Variants in ANXA4 observed in about 807,000 individuals in gnomAD.
ANXA4 encodes 35-beta calcimedin.
In ANXA4, 39 loss-of-function variants were observed where a neutral mutation model predicts 49.8. That is an observed-to-expected ratio of 0.78 (90% CI 0.61 to 1.02). The LOEUF (loss-of-function observed/expected upper bound fraction) is 1.02. Ranked by LOEUF, ANXA4 falls within the 50% of genes least tolerant of loss-of-function variation. The pLI is 0.00. For missense variants in ANXA4, 360 were observed against 410.1 expected (o/e 0.88, Z 1.05); for synonymous variants, 134 against 152.5 (o/e 0.88, Z 0.89).
chr2:69,826,842 C>G lies in ANXA4; in HGVS notation c.*1327C>G, dbSNP rs1167527533. The G allele has an allele frequency of 6.6e-6, 1 of 150,402 alleles. No individual in the cohort carries two copies. Among genetic ancestry groups the G allele is most frequent in the East Asian group, 1.9e-4 (1 of 5,152 alleles). 9.3% of individuals were successfully genotyped at this position (150,402 alleles called of 1,614,324 possible). On this transcript the variant is annotated 3_prime_UTR_variant, in exon 13 of 13. Coordinates refer to ENST00000394295, the MANE Select transcript of ANXA4 (RefSeq NM_001153.5). Reference sequence around the variant, plus strand: ...TATAGTCTTTCTCTGATCCACTTTTCACCTTCTGAGGTTTTTCATCTTGGC... The same window carrying G: ...TATAGTCTTTCTCTGATCCACTTTTGACCTTCTGAGGTTTTTCATCTTGGC...
intron 2 of ANXA4, among the ~76,000 whole-genome samples, chr2:69,697,724 T>C (rs1678202998): frequency 6.6e-6 from 1 of 152,136 alleles, no homozygotes. Context: ...GTCAATATTG[T>C]TGTGTCTGAG....
chr2:69,741,643 C>G (rs557237929), upstream of ANXA4, among the ~76,000 whole-genome samples: 3 of 152,346 alleles, frequency 2.0e-5, no homozygotes, highest in Non-Finnish European at 4.4e-5. Context: ...CACGACCTGC[C>G]GTTGGGAGAC....
chr2:69,747,042 G>C (rs1670642122), intron 1 of ANXA4, among the ~76,000 whole-genome samples: 2 of 151,818 alleles, frequency 1.3e-5, no homozygotes, highest in Non-Finnish European at 2.9e-5. Context: ...TCCTCCCCAC[G>C]AAATAACTAA....
At chr2:69,780,388 G>T (rs1672146574) in intron 1 of ANXA4, among the ~76,000 whole-genome samples, 1 of 152,226 alleles carries the variant, frequency 6.6e-6, no homozygotes, top group South Asian at 2.1e-4. Context: ...TAGAGATGGG[G>T]TTTCACCATG....
At chr2:69,706,447 CCCA>C (rs1328674877) in intron 2 of ANXA4, among the ~76,000 whole-genome samples, 2 of 151,508 alleles carry the variant, frequency 1.3e-5, no homozygotes, top group East Asian at 3.9e-4. Flanking sequence ...ATCACAGGTG[CCCA>C]CCACCATGCC....
At chr2:69,761,776 T>TAAAA (rs56109057) in intron 1 of ANXA4, among the ~76,000 whole-genome samples, 2 of 135,308 alleles carry the variant, frequency 1.5e-5, no homozygotes, top group Admixed American at 7.4e-5. Context: ...GATGCTGTCT[T>TAAAA]AAAAAAAAAA....
chr2:69,789,278 A>C (rs1226782460), intron 3 of ANXA4, among the ~76,000 whole-genome samples: 1 of 152,188 alleles, frequency 6.6e-6, no homozygotes, highest in Non-Finnish European at 1.5e-5. Flanking sequence ...ACTCTCACCA[A>C]GTCGCACAGT....
chr2:69,798,159 C>T (rs1391857634), intron 3 of ANXA4, among the ~76,000 whole-genome samples: 1 of 152,154 alleles, frequency 6.6e-6, no homozygotes. Flanking sequence ...AATAACCTCC[C>T]ACCCAACCCC....
At chr2:69,785,816 C>A (rs545846366) in intron 2 of ANXA4, among the ~76,000 whole-genome samples, 2 of 152,276 alleles carry the variant, frequency 1.3e-5, no homozygotes, top group Admixed American at 1.3e-4. Context: ...CTTCCTCAGC[C>A]TCTGGACAGT....
intron 2 of ANXA4, among the ~76,000 whole-genome samples, chr2:69,659,700 T>A (rs1393430201): frequency 6.6e-6 from 1 of 152,168 alleles, no homozygotes. Flanking sequence ...GCAGGAGGAT[T>A]GCTTGAGGCC....
chr2:69,788,742 G>A (rs550094127), intron 3 of ANXA4, among the ~76,000 whole-genome samples: 1 of 151,864 alleles, frequency 6.6e-6, no homozygotes, highest in South Asian at 2.1e-4. Context: ...GGAGGCTGAG[G>A]CAGGAGAATG....
intron 5 of ANXA4, 128 bp from the exon 6 acceptor site, chr2:69,807,778 C>A (rs183028324): frequency 6.0e-4 from 450 of 749,652 alleles, no homozygotes; most frequent in Non-Finnish European, 4.3e-5. Flanking sequence ...AGTGAACAAA[C>A]CCTGTTGTTA....
intron 1 of ANXA4, among the ~76,000 whole-genome samples, chr2:69,765,597 C>A (rs1014928828): frequency 2.0e-5 from 3 of 152,200 alleles, no homozygotes; most frequent in Non-Finnish European, 2.9e-5. Flanking sequence ...CCCAGACAAC[C>A]ACTTTTGCAC....
rs1670419932 is a variant in ANXA4 at position 69,742,144 on chromosome 2, CA to C, written c.-77del. ...GGCCCTGAGTAGGGTGTGACCTCCGCAGCCGCAGAGGAGGAGCGCAGCCCGG... is the reference window on the plus strand; with the variant it reads ...GGCCCTGAGTAGGGTGTGACCTCCGCGCCGCAGAGGAGGAGCGCAGCCCGG... On this transcript the variant is annotated 5_prime_UTR_variant, in exon 1 of 13. Transcript: ENST00000394295. 1 of 152,390 alleles carries C rather than the reference CA, an allele frequency of 6.6e-6. No individual in the cohort carries two copies. The highest frequency in any genetic ancestry group is 1.5e-5 in the Non-Finnish European group (1 of 68,236). The allele number at this position is 152,390 out of a possible 1,614,324, so 9.4% of individuals were successfully genotyped here.
intron 4 of ANXA4, among the ~76,000 whole-genome samples, chr2:69,805,604 T>TAAA (rs59230779): frequency 1.6e-5 from 2 of 126,428 alleles, no homozygotes; most frequent in Admixed American, 7.8e-5. Flanking sequence ...AGACTCCATC[T>TAAA]AAAAAAAAAA....
At chr2:69,664,262 A>G (rs1676851362) in intron 2 of ANXA4, among the ~76,000 whole-genome samples, 1 of 152,248 alleles carries the variant, frequency 6.6e-6, no homozygotes, top group African/African-American at 2.4e-5. Flanking sequence ...TTTATCTTCC[A>G]TGTACCTTTT....
intron 2 of ANXA4, among the ~76,000 whole-genome samples, chr2:69,671,812 C>A (rs1677203333): frequency 6.6e-6 from 1 of 152,122 alleles, no homozygotes; most frequent in Non-Finnish European, 1.5e-5. Context: ...AAATGCAACA[C>A]CAATCCTTGG....
intron 2 of ANXA4, among the ~76,000 whole-genome samples, chr2:69,689,800 T>A (rs1040666766): frequency 6.6e-6 from 1 of 152,214 alleles, no homozygotes; most frequent in African/African-American, 2.4e-5. Context: ...ATTACAAATT[T>A]CTAAAGTCAA....
intron 2 of ANXA4, among the ~76,000 whole-genome samples, chr2:69,657,444 T>TTTTTTTTTTTTTTTTTTTTTTTTTGAG (rs1676547158): frequency 6.6e-6 from 1 of 152,190 alleles, no homozygotes; most frequent in African/African-American, 2.4e-5. Context: ...TTACTATTTT[T>TTTTTTTTTTTTTTTTTTTTTTTTTGAG]AATGTACGCA....
Sources: allele counts gnomAD v4.1 joint callset (sites outside exome capture counted in the v4.1 genomes callset), GRCh38; gene constraint gnomAD v4.1.1; transcripts MANE v1.5; gene names NCBI Gene and HGNC (gene_info 2026-07-23, HGNC 2026-07-21).